Variants in CHRM5 observed in about 807,000 individuals in gnomAD.
CHRM5 encodes the protein muscarinic acetylcholine receptor M5.
A neutral mutation model predicts 39.0 loss-of-function variants in CHRM5; 18 were observed. The observed-to-expected ratio is 0.46, with a 90% CI of 0.32 to 0.68. The LOEUF is 0.68. CHRM5 is among the 30% of genes least tolerant of loss of function. The pLI is 0.04. For synonymous variants in CHRM5, 241 were observed against 246.3 expected (o/e 0.98, Z 0.20); for missense variants, 515 against 651.1 (o/e 0.79, Z 2.28).
rs1747900179 is a variant in CHRM5 at position 34,064,617 on chromosome 15, CA to C, written c.*302del. On this transcript the variant is annotated 3_prime_UTR_variant, in exon 3 of 3. Transcript: ENST00000383263. Reference sequence around the variant, plus strand: ...AGGAAGCACACTGGGTAACAATGAACAGTGACTCAGGGAACTTATGCCCCTT... The same window carrying C: ...AGGAAGCACACTGGGTAACAATGAACGTGACTCAGGGAACTTATGCCCCTT... 3 of 358,386 alleles carry C rather than the reference CA, an allele frequency of 8.4e-6. No homozygotes were observed. Among genetic ancestry groups the C allele is most frequent in the Non-Finnish European group, 1.6e-5 (3 of 189,504 alleles). 22.2% of individuals were successfully genotyped at this position (358,386 alleles called of 1,614,324 possible). A position where few individuals can be genotyped will look rare whatever the true frequency, so the allele number is the denominator to read the frequency against.
At chr15:34,000,266 TAGAA>T (rs1335686778) in intron 1 of CHRM5, among the ~76,000 whole-genome samples, 1 of 152,206 alleles carries the variant, frequency 6.6e-6, no homozygotes, top group Admixed American at 6.5e-5. Flanking sequence ...CTCTACCCTC[TAGAA>T]AGTCAACTCT....
At chr15:34,048,560 G>A (rs1364922044) in intron 2 of CHRM5, among the ~76,000 whole-genome samples, 1 of 152,074 alleles carries the variant, frequency 6.6e-6, no homozygotes, top group Non-Finnish European at 1.5e-5. Flanking sequence ...TCCCTGGGAT[G>A]GAGCTCCCAG....
chr15:34,027,468 G>A (rs1898536735), intron 1 of CHRM5, among the ~76,000 whole-genome samples: 1 of 151,236 alleles, frequency 6.6e-6, no homozygotes, highest in Non-Finnish European at 1.5e-5. Context: ...GGCAGAGGTT[G>A]CAGTGAGCTG....
At chr15:34,048,793 A>G (rs754793124) in intron 2 of CHRM5, among the ~76,000 whole-genome samples, 1 of 152,140 alleles carries the variant, frequency 6.6e-6, no homozygotes, top group African/African-American at 2.4e-5. Flanking sequence ...TGTCTGGGCC[A>G]GCAACAGGTC....
chr15:34,033,795 GT>G (rs1349684939), intron 1 of CHRM5, among the ~76,000 whole-genome samples: 1 of 151,964 alleles, frequency 6.6e-6, no homozygotes, highest in African/African-American at 2.4e-5. Flanking sequence ...TTTGTTTTTT[GT>G]TTTTTGTTTT....
chr15:34,022,588 A>G (rs1263190922), intron 1 of CHRM5, among the ~76,000 whole-genome samples: 3 of 152,230 alleles, frequency 2.0e-5, no homozygotes, highest in Non-Finnish European at 4.4e-5. Flanking sequence ...ACAGCCTGAC[A>G]TGCAAGCCTG....
intron 1 of CHRM5, among the ~76,000 whole-genome samples, chr15:34,010,456 T>A (rs1045090998): frequency 6.6e-6 from 1 of 152,108 alleles, no homozygotes; most frequent in East Asian, 1.9e-4. Context: ...AGACAACAGA[T>A]CCTATTTAAA....
chr15:34,026,541 C>G (rs1484869921), intron 1 of CHRM5, among the ~76,000 whole-genome samples: 1 of 152,014 alleles, frequency 6.6e-6, no homozygotes, highest in Non-Finnish European at 1.5e-5. Flanking sequence ...CACATATAAG[C>G]TGACGTCACC....
At chr15:34,019,220 CTAATGGATG>C (rs1213259952) in intron 1 of CHRM5, among the ~76,000 whole-genome samples, 1 of 152,108 alleles carries the variant, frequency 6.6e-6, no homozygotes, top group Admixed American at 6.5e-5. Flanking sequence ...TAGGCCTAGG[CTAATGGATG>C]TAATTGTTTG....
chr15:34,048,867 AC>A (rs1353852325), intron 2 of CHRM5, among the ~76,000 whole-genome samples: 1 of 152,134 alleles, frequency 6.6e-6, no homozygotes, highest in Non-Finnish European at 1.5e-5. Context: ...TGTTTTGCAT[AC>A]CTGGTGGTAT....
chr15:34,008,100 C>A (rs1363914435), intron 1 of CHRM5, among the ~76,000 whole-genome samples: 1 of 152,054 alleles, frequency 6.6e-6, no homozygotes, highest in Non-Finnish European at 1.5e-5. Flanking sequence ...GAAAAAATCA[C>A]CTATCACAGG....
chr15:34,016,671 G>GT (rs548632941), intron 1 of CHRM5, among the ~76,000 whole-genome samples: 7 of 152,186 alleles, frequency 4.6e-5, no homozygotes, highest in Non-Finnish European at 8.8e-5. Flanking sequence ...ATGCTATGGA[G>GT]TATGTAATCA....
chr15:34,024,774 T>A (rs1460285204), intron 1 of CHRM5, among the ~76,000 whole-genome samples: 1 of 149,690 alleles, frequency 6.7e-6, no homozygotes, highest in Non-Finnish European at 1.5e-5. Flanking sequence ...GGCAGGAGAA[T>A]AGCTTGAACC....
At chr15:33,981,785 C>T (rs73383763) in intron 1 of CHRM5, among the ~76,000 whole-genome samples, 23,995 of 152,044 alleles carry the variant, frequency 0.16, 2,279 homozygotes, top group South Asian at 0.33. Context: ...TGAATTTAAA[C>T]AAAATGTATA....
At chr15:33,971,820 A>C (rs1242993542) in intron 1 of CHRM5, among the ~76,000 whole-genome samples, 1 of 152,060 alleles carries the variant, frequency 6.6e-6, no homozygotes, top group African/African-American at 2.4e-5. Flanking sequence ...TTCCTTATGA[A>C]GTGACCAAAT....
chr15:34,015,066 C>A (rs558743615), intron 1 of CHRM5, among the ~76,000 whole-genome samples: 36 of 152,122 alleles, frequency 2.4e-4, no homozygotes, highest in African/African-American at 8.2e-4. Context: ...CAGTGTGTCT[C>A]CCTTCTAAAA....
chr15:34,046,184 T>G, intron 1 of CHRM5, among the ~76,000 whole-genome samples: 1 of 152,160 alleles, frequency 6.6e-6, no homozygotes, highest in South Asian at 2.1e-4. Flanking sequence ...GTGGAAAACA[T>G]TCAGGCTGGA....
intron 1 of CHRM5, among the ~76,000 whole-genome samples, chr15:33,996,472 G>T (rs531224218): frequency 6.6e-6 from 1 of 152,170 alleles, no homozygotes; most frequent in Non-Finnish European, 1.5e-5. Context: ...CCTCTGGGAC[G>T]AAGCTTCCAG....
At chr15:33,988,701 A>G (rs753573912) in intron 1 of CHRM5, among the ~76,000 whole-genome samples, 11 of 152,236 alleles carry the variant, frequency 7.2e-5, no homozygotes, top group Non-Finnish European at 1.3e-4. Flanking sequence ...CACAAGTAAA[A>G]CACTGTAGAA....
Sources: gnomAD v4.1 joint callset for allele counts (sites outside exome capture counted in the v4.1 genomes callset) on GRCh38, gnomAD v4.1.1 for gene constraint, MANE v1.5 for transcripts, NCBI Gene and HGNC (gene_info 2026-07-23, HGNC 2026-07-21) for gene names.